The following CARMIL1 variants were observed in gnomAD, a reference collection of about 807,000 sequenced individuals.
The protein encoded by CARMIL1 is capping protein regulator and myosin 1 linker 1, also known as F-actin-uncapping protein LRRC16A.
CARMIL1 carries 90 observed loss-of-function variants against 177.1 expected under a neutral mutation model. The observed-to-expected ratio is 0.51, with a 90% CI of 0.43 to 0.61. The LOEUF is 0.61. Ranked by LOEUF, CARMIL1 falls within the 20% of genes least tolerant of loss-of-function variation. The pLI, the probability that CARMIL1 is intolerant of heterozygous loss-of-function variation, is 0.00. For synonymous variants in CARMIL1, 577 were observed against 606.2 expected (o/e 0.95, Z 0.71); for missense variants, 1,380 against 1,667.0 (o/e 0.83, Z 3.00).
At chr6:25,296,947 C>CTT (rs10629738) in intron 2 of CARMIL1, among the ~76,000 whole-genome samples, 26 of 84,752 alleles carry the variant, frequency 3.1e-4, no homozygotes, top group South Asian at 9.4e-4. Flanking sequence ...AACTAACTAA[C>CTT]TAACTAACTA....
chr6:25,328,359 G>C (rs1055619125), intron 2 of CARMIL1, among the ~76,000 whole-genome samples: 1 of 152,082 alleles, frequency 6.6e-6, no homozygotes, highest in Admixed American at 6.5e-5. Context: ...TACATGCTCA[G>C]TGTAGGGCTT....
chr6:25,501,292 A>G (rs1368927612), intron 17 of CARMIL1, among the ~76,000 whole-genome samples: 1 of 151,938 alleles, frequency 6.6e-6, no homozygotes, highest in Non-Finnish European at 1.5e-5. Context: ...TACCATGTCC[A>G]TCTTCCTTCC....
At chr6:25,576,538 T>C (rs1812602574) in intron 29 of CARMIL1, among the ~76,000 whole-genome samples, 1 of 152,118 alleles carries the variant, frequency 6.6e-6, no homozygotes. Context: ...CCCCACTTAG[T>C]TGTTGAGACT....
At chr6:25,331,348 G>A (rs774468174) in intron 2 of CARMIL1, among the ~76,000 whole-genome samples, 2 of 152,198 alleles carry the variant, frequency 1.3e-5, no homozygotes, top group Non-Finnish European at 2.9e-5. Flanking sequence ...CATGATAGAC[G>A]CTCCACTGAT....
At chr6:25,403,705 C>T (rs1387817078) in intron 2 of CARMIL1, among the ~76,000 whole-genome samples, 1 of 152,154 alleles carries the variant, frequency 6.6e-6, no homozygotes, top group Non-Finnish European at 1.5e-5. Flanking sequence ...CTCAACCTCA[C>T]TTCATAATTA....
In CARMIL1 at chr6:25,515,095, C is replaced by G. The variant is rs1805841876; in HGVS notation, c.1633-580C>G. On this transcript the variant is annotated intron_variant, in intron 20 of 36. Transcript: ENST00000329474. This position sits in a 1 kb window ranked among gnomAD's most constrained non-coding sequence, Gnocchi z 5.0. ...AACAATGTAACCTTGGTTGAGTCAC[C>G]TAACTTTTCTGTTTGTTGGTTTGGG... 6.6e-6 allele frequency among the ~76,000 whole-genome samples: 1 copy of G among 152,142 alleles called. No homozygotes were observed. Among genetic ancestry groups the G allele is most frequent in the African/African-American group, 2.4e-5 (1 of 41,436 alleles).
At chr6:25,482,568 A>G (rs577041922) in intron 12 of CARMIL1, among the ~76,000 whole-genome samples, 1 of 152,230 alleles carries the variant, frequency 6.6e-6, no homozygotes, top group Non-Finnish European at 1.5e-5. Flanking sequence ...TGACATGTAC[A>G]TGCAGTCTTT....
At chr6:25,406,003 A>G (rs1316774492) in intron 2 of CARMIL1, among the ~76,000 whole-genome samples, 1 of 152,158 alleles carries the variant, frequency 6.6e-6, no homozygotes, top group East Asian at 1.9e-4. Flanking sequence ...ATATTTGAAC[A>G]CCTATTTTGT....
At chr6:25,309,414 T>C (rs1205134950) in intron 2 of CARMIL1, among the ~76,000 whole-genome samples, 1 of 150,208 alleles carries the variant, frequency 6.7e-6, no homozygotes, top group Non-Finnish European at 1.5e-5. Flanking sequence ...GTTTAAAGTG[T>C]ACAATTCAGT....
At chr6:25,545,045 C>T (rs1809318739) in intron 26 of CARMIL1, among the ~76,000 whole-genome samples, 1 of 152,168 alleles carries the variant, frequency 6.6e-6, no homozygotes, top group Admixed American at 6.5e-5. Flanking sequence ...GCTAATGCCT[C>T]CCTTATTGGA....
chr6:25,354,359 T>C lies in CARMIL1; in HGVS notation c.139-65755T>C, dbSNP rs867832466. On this transcript the variant is annotated intron_variant, in intron 2 of 36. Coordinates refer to ENST00000329474, the MANE Select transcript of CARMIL1 (RefSeq NM_017640.6). ...TTTTTTTTTTTTTTTTTTTTTTTTT[T>C]GTGGAGACAGGGCCTTGCTATATTG... Among the ~76,000 whole-genome samples, 133 of 81,676 alleles carry C rather than the reference T, an allele frequency of 1.6e-3. No homozygotes were observed. In the Middle Eastern group the frequency reaches 0.02, roughly 12 times the overall value. 53.6% of individuals were successfully genotyped at this position (81,676 alleles called of 152,430 possible).
chr6:25,282,899 C>T (rs1274490727), intron 1 of CARMIL1, among the ~76,000 whole-genome samples: 1 of 152,140 alleles, frequency 6.6e-6, no homozygotes, highest in Non-Finnish European at 1.5e-5. Flanking sequence ...ATGCAAAGAC[C>T]ATCTCTATCT....
intron 24 of CARMIL1, among the ~76,000 whole-genome samples, chr6:25,533,147 C>G (rs568939311): frequency 3.3e-5 from 5 of 152,286 alleles, no homozygotes; most frequent in Middle Eastern, 3.4e-3. Context: ...ATTTGCAGTC[C>G]TAACTTCTTT....
chr6:25,597,466 GTTAA>G (rs1416032761), intron 32 of CARMIL1, among the ~76,000 whole-genome samples: 2 of 152,138 alleles, frequency 1.3e-5, no homozygotes, highest in African/African-American at 4.8e-5. Flanking sequence ...TTTCCTTGGT[GTTAA>G]TTATTGTCCC....
chr6:25,477,102 A>AC (rs1801645873), intron 11 of CARMIL1, among the ~76,000 whole-genome samples: 1 of 151,224 alleles, frequency 6.6e-6, no homozygotes, highest in Non-Finnish European at 1.5e-5. Context: ...AAAAAAAAAA[A>AC]CAAAAAACAA....
intron 2 of CARMIL1, chr6:25,383,637 A>T (rs1238550494): frequency 6.6e-6 from 1 of 152,212 alleles, no homozygotes; most frequent in Non-Finnish European, 1.5e-5. Flanking sequence ...AACTAGAACA[A>T]TAAAGACATT....
intron 23 of CARMIL1, among the ~76,000 whole-genome samples, chr6:25,526,273 G>A (rs1807121305): frequency 2.6e-5 from 4 of 151,910 alleles, no homozygotes; most frequent in Non-Finnish European, 5.9e-5. Context: ...AACCCGGGGG[G>A]TGGAGCTTGC....
chr6:25,451,908 A>C, intron 8 of CARMIL1: 1 of 572,896 alleles, frequency 1.7e-6, no homozygotes, highest in Non-Finnish European at 3.1e-6. Context: ...TTCCAGCTAT[A>C]TCATTTGTGC....
At chr6:25,360,716 A>G (rs1192636221) in intron 2 of CARMIL1, among the ~76,000 whole-genome samples, 1 of 152,208 alleles carries the variant, frequency 6.6e-6, no homozygotes. Flanking sequence ...ACAGGGACAT[A>G]TTGGGAAGTG....
Sources: gnomAD v4.1 joint callset for allele counts (sites outside exome capture counted in the v4.1 genomes callset) on GRCh38, gnomAD v4.1.1 for gene constraint, Gnocchi (gnomAD v3.1) non-coding constraint, MANE v1.5 for transcripts, NCBI Gene and HGNC (gene_info 2026-07-23, HGNC 2026-07-21) for gene names.